WDPCP: variants seen among roughly 807,000 people sequenced by gnomAD.
WDPCP encodes WD repeat-containing and planar cell polarity effector protein fritz homolog.
Under a neutral mutation model 93.1 loss-of-function variants are expected in WDPCP, and 71 were observed. The observed-to-expected ratio is 0.76, with a 90% CI of 0.63 to 0.93. The LOEUF is 0.93. Among genes scored for constraint, WDPCP ranks in the 40% least tolerant of loss-of-function variants. The pLI, the probability that WDPCP is intolerant of heterozygous loss-of-function variation, is 0.00. For synonymous variants in WDPCP, 315 were observed against 315.0 expected, an observed-to-expected ratio of 1.00 and a Z score of 0.00; for missense variants, 844 against 887.4, an observed-to-expected ratio of 0.95 and a Z score of 0.62.
At chr2:63,453,014 A>G (rs1012129437) in intron 6 of WDPCP, among the ~76,000 whole-genome samples, 32 of 152,240 alleles carry the variant, frequency 2.1e-4, no homozygotes, top group Non-Finnish European at 2.8e-4. Flanking sequence ...AGGCAATACC[A>G]TTCAGGACAT....
chr2:63,760,778 A>C (rs1450412322), intron 2 of WDPCP, among the ~76,000 whole-genome samples: 2 of 152,176 alleles, frequency 1.3e-5, no homozygotes, highest in Non-Finnish European at 2.9e-5. Flanking sequence ...GGTTCTAAGG[A>C]TGCCCTCTGT....
chr2:63,721,659 G>A (rs1222858345), intron 2 of WDPCP, among the ~76,000 whole-genome samples: 1 of 151,848 alleles, frequency 6.6e-6, no homozygotes, highest in African/African-American at 2.4e-5. Flanking sequence ...GGGCCTTCCA[G>A]CAAGCCATTC....
chr2:63,456,071 A>G (rs1406399265), intron 6 of WDPCP, among the ~76,000 whole-genome samples: 1 of 152,218 alleles, frequency 6.6e-6, no homozygotes, highest in Non-Finnish European at 1.5e-5. Context: ...CTCCTAAACA[A>G]CCATTGGATC....
chr2:63,602,779 A>G (rs1353435546), intron 3 of WDPCP, among the ~76,000 whole-genome samples: 1 of 152,186 alleles, frequency 6.6e-6, no homozygotes, highest in Non-Finnish European at 1.5e-5. Context: ...GGAATCATGC[A>G]GTAAGGAACC....
At chr2:63,190,985 G>C (rs1186320647) in intron 14 of WDPCP, among the ~76,000 whole-genome samples, 1 of 152,192 alleles carries the variant, frequency 6.6e-6, no homozygotes, top group Non-Finnish European at 1.5e-5. Context: ...ATTTTGCTTT[G>C]TCTTCCTAGA....
intron 10 of WDPCP, among the ~76,000 whole-genome samples, chr2:63,403,246 A>G (rs976227349): frequency 2.6e-5 from 4 of 152,118 alleles, no homozygotes; most frequent in African/African-American, 9.7e-5. Context: ...CACAAAGAAG[A>G]AAAAAACAGA....
intron 12 of WDPCP, among the ~76,000 whole-genome samples, chr2:63,354,028 C>T (rs1351781071): frequency 6.6e-6 from 1 of 152,172 alleles, no homozygotes; most frequent in Non-Finnish European, 1.5e-5. Context: ...TCAGGGGCAA[C>T]TGAAAGCCTC....
intron 2 of WDPCP, among the ~76,000 whole-genome samples, chr2:63,672,062 T>A (rs1710354285): frequency 6.6e-6 from 1 of 152,206 alleles, no homozygotes; most frequent in Admixed American, 6.5e-5. Flanking sequence ...AACTGTGGCA[T>A]TAACATGTAT....
intron 6 of WDPCP, among the ~76,000 whole-genome samples, chr2:63,482,088 G>T (rs892303674): frequency 6.6e-6 from 1 of 151,958 alleles, no homozygotes; most frequent in South Asian, 2.1e-4. Flanking sequence ...TTTGGTAAAT[G>T]ATGAAAACTC....
Position 63,774,865 on chromosome 2 carries a change from G to A in WDPCP, n.308+38757C>T, listed in dbSNP as rs529764842. 1.4e-3 allele frequency among the ~76,000 whole-genome samples: 216 copies of A among 152,096 alleles called. 1 individual carries two copies. The South Asian group carries it at 0.018, about 13-fold the overall frequency. ...TCTCCCATCTCCCTAACTTCTCTGCGCCTTTCAATATGTTCTTCACACTGC... is the reference window on the plus strand; with the variant it reads ...TCTCCCATCTCCCTAACTTCTCTGCACCTTTCAATATGTTCTTCACACTGC... On this transcript the variant is annotated intron_variant and non_coding_transcript_variant, in intron 2 of 4. Coordinates refer to the WDPCP transcript ENST00000467687.
intron 1 of WDPCP, among the ~76,000 whole-genome samples, chr2:63,494,562 T>C (rs1701101152): frequency 6.6e-6 from 1 of 152,136 alleles, no homozygotes; most frequent in Non-Finnish European, 1.5e-5. Flanking sequence ...GCAACCACAG[T>C]ACTCTACCGT....
intron 13 of WDPCP, among the ~76,000 whole-genome samples, chr2:63,262,663 C>T (rs1466643575): frequency 2.0e-5 from 3 of 151,786 alleles, no homozygotes; most frequent in African/African-American, 4.8e-5. Context: ...GATCTGTGGT[C>T]AACAAATGAT....
chr2:63,325,576 C>T (rs904759109), intron 12 of WDPCP, among the ~76,000 whole-genome samples: 6 of 152,164 alleles, frequency 3.9e-5, no homozygotes, highest in African/African-American at 9.7e-5. Flanking sequence ...CCTCAAGGTC[C>T]GTTACCGTCC....
intron 17 of WDPCP, among the ~76,000 whole-genome samples, chr2:63,149,060 C>T (rs769616183): frequency 2.4e-4 from 36 of 151,864 alleles, no homozygotes; most frequent in Admixed American, 3.3e-4. Flanking sequence ...AAATTTTTTT[C>T]GTCAACCACA....
chr2:63,827,163 G>T (rs1189683765), intron 1 of WDPCP, among the ~76,000 whole-genome samples: 1 of 151,962 alleles, frequency 6.6e-6, no homozygotes, highest in Non-Finnish European at 1.5e-5. Flanking sequence ...CCAAAAAAAT[G>T]AGGCAAGAGT....
chr2:63,401,775 A>T (rs1303027354), intron 10 of WDPCP, among the ~76,000 whole-genome samples: 1 of 152,206 alleles, frequency 6.6e-6, no homozygotes, highest in Non-Finnish European at 1.5e-5. Context: ...ACTGCACTCC[A>T]GCCTGGGTGA....
intron 2 of WDPCP, among the ~76,000 whole-genome samples, chr2:63,663,439 A>T (rs751206076): frequency 6.6e-6 from 1 of 152,212 alleles, no homozygotes; most frequent in South Asian, 2.1e-4. Context: ...AACATCAGAG[A>T]GGAAAGCAAT....
At chr2:63,134,655 G>C (rs1362909654) in intron 17 of WDPCP, among the ~76,000 whole-genome samples, 2 of 152,188 alleles carry the variant, frequency 1.3e-5, no homozygotes, top group Non-Finnish European at 2.9e-5. Flanking sequence ...ATTCACATAT[G>C]CAAATTGCTT....
At chr2:63,749,205 C>T (rs896373124) in intron 2 of WDPCP, among the ~76,000 whole-genome samples, 3 of 151,968 alleles carry the variant, frequency 2.0e-5, no homozygotes, top group African/African-American at 7.2e-5. Context: ...AAATTGCTAC[C>T]TTTTGAAAGT....
Sources: allele counts gnomAD v4.1 joint callset (sites outside exome capture counted in the v4.1 genomes callset), GRCh38; gene constraint gnomAD v4.1.1; transcripts MANE v1.5; gene names NCBI Gene and HGNC (gene_info 2026-07-23, HGNC 2026-07-21).